The following PFKFB3 variants were observed in gnomAD, a reference collection of about 807,000 sequenced individuals.
PFKFB3 encodes the protein 6-phosphofructo-2-kinase/fructose-2,6-biphosphatase 3.
In PFKFB3, 33 loss-of-function variants were observed where a neutral mutation model predicts 68.0. The observed-to-expected ratio is 0.49, with a 90% confidence interval of 0.37 to 0.65. The LOEUF (loss-of-function observed/expected upper bound fraction) is 0.65, where lower values mean the gene tolerates loss of function less well. PFKFB3 is among the 30% of genes least tolerant of loss of function. The pLI is 0.00. For missense variants in PFKFB3, 586 were observed against 712.2 expected (o/e 0.82, Z 2.02); for synonymous variants, 315 against 288.2 (o/e 1.09, Z -0.94).
At chr10:6,286,885 T>A in the PFKFB3 span, among the ~76,000 whole-genome samples, 33 of 152,364 alleles carry the variant, frequency 2.2e-4, no homozygotes, top group East Asian at 5.0e-3. Flanking sequence ...TCTTAGCTTA[T>A]CAATTATATT....
Position 6,228,224 on chromosome 10 carries a change from T to C in PFKFB3, c.1515+1859T>C, listed in dbSNP as rs761504324. 35 of 1,612,750 alleles carry C rather than the reference T, an allele frequency of 2.2e-5. No homozygotes were observed. The highest frequency in any genetic ancestry group is 8.3e-5 in the Admixed American group (5 of 60,016). On this transcript the variant is annotated intron_variant, in intron 14 of 14. Transcript: ENST00000379775. This position sits in a 1 kb window ranked among gnomAD's most constrained non-coding sequence, Gnocchi z 4.5. ...TTGCTAGGGCAAGCCTGTCTGTAAG[T>C]ATCTCTCCGATCATCGCTGCTGCTT...
chr10:6,292,292 T>C, the PFKFB3 span, among the ~76,000 whole-genome samples: 1 of 124,818 alleles, frequency 8.0e-6, no homozygotes, highest in Non-Finnish European at 1.7e-5. Context: ...TTTTTTTTTT[T>C]TTTTTTTTTT....
intron 4 of PFKFB3, among the ~76,000 whole-genome samples, 165 bp downstream of exon 4, chr10:6,216,356 G>T (rs1306375595): frequency 6.6e-6 from 1 of 152,162 alleles, no homozygotes; most frequent in Admixed American, 6.5e-5. Flanking sequence ...GGTGGACTCA[G>T]GGACCCACCC....
the PFKFB3 span, among the ~76,000 whole-genome samples, chr10:6,305,372 C>T: frequency 0.46 from 58,149 of 126,154 alleles, 12,195 homozygotes; most frequent in Non-Finnish European, 0.56. Flanking sequence ...GTAGAGATGA[C>T]ATCTCACTAT....
At position 6,228,521 on chromosome 10, in the gene PFKFB3, G is replaced by A. The variant is rs1178036022; in HGVS notation, c.1515+2156G>A. On this transcript the variant is annotated intron_variant, in intron 14 of 14. Transcript: ENST00000379775. The surrounding 1 kb of genome is among the most constrained non-coding windows in gnomAD (Gnocchi z 4.5). ...CGTGGTGTGTAATGGCCGTGGTTTA[G>A]GGCTCGGCATAAATCCACATTTCCT... 6.6e-6 allele frequency among the ~76,000 whole-genome samples: 1 copy of A among 152,040 alleles called. No homozygotes were observed. Among genetic ancestry groups the A allele is most frequent in the Non-Finnish European group, 1.5e-5 (1 of 68,026 alleles).
At chr10:6,264,064 T>A in the PFKFB3 span, among the ~76,000 whole-genome samples, 10 of 152,350 alleles carry the variant, frequency 6.6e-5, no homozygotes, top group African/African-American at 1.9e-4. Context: ...TCTTTGTGAA[T>A]GATGACAAGG....
At chr10:6,169,634 G>A (rs1842246098) in intron 1 of PFKFB3, among the ~76,000 whole-genome samples, 1 of 152,152 alleles carries the variant, frequency 6.6e-6, no homozygotes, top group Admixed American at 6.5e-5. Flanking sequence ...AGTGCGTCCA[G>A]TACTGCTTAA....
chr10:6,275,716 G>A, the PFKFB3 span, among the ~76,000 whole-genome samples: 15 of 152,160 alleles, frequency 9.9e-5, no homozygotes, highest in African/African-American at 3.1e-4. The surrounding 1 kb of genome is among the most constrained non-coding windows in gnomAD (Gnocchi z 4.9). Context: ...TCCGCTTCCC[G>A]GGATTCTCCT....
chr10:6,277,076 A>G, the PFKFB3 span, among the ~76,000 whole-genome samples: 1 of 151,990 alleles, frequency 6.6e-6, no homozygotes, highest in South Asian at 2.1e-4. Context: ...ATGTTGCATA[A>G]ATGGAATCAT....
intron 5 of PFKFB3, 34 bp from the exon 6 acceptor site, chr10:6,217,097 GTGTT>G (rs1440939174): frequency 8.1e-6 from 13 of 1,602,400 alleles, no homozygotes; most frequent in Non-Finnish European, 1.1e-5. Flanking sequence ...ATCCTTCGTG[GTGTT>G]TGTTTTCTAA....
At chr10:6,277,741 T>C in the PFKFB3 span, 1 of 424,844 alleles carries the variant, frequency 2.4e-6, no homozygotes, top group African/African-American at 2.0e-5. Flanking sequence ...AGCACCACGC[T>C]TTCTGTACAG....
intron 1 of PFKFB3, chr10:6,197,570 G>A (rs1273206490): frequency 6.6e-6 from 1 of 151,902 alleles, no homozygotes; most frequent in Admixed American, 6.6e-5. Flanking sequence ...AATAAATTAG[G>A]ACATCTTAAA....
chr10:6,177,438 C>CTCTCTCTCTCTTTCTTTCTT (rs755279276), intron 1 of PFKFB3, among the ~76,000 whole-genome samples: 24 of 86,628 alleles, frequency 2.8e-4, no homozygotes, highest in African/African-American at 3.8e-4. Flanking sequence ...TCTTTTCTTT[C>CTCTCTCTCTCTTTCTTTCTT]TCTTTCTTTC....
intron 2 of PFKFB3, 123 bp downstream of exon 2, chr10:6,213,871 C>T (rs950892740): frequency 7.0e-6 from 7 of 1,007,012 alleles, no homozygotes; most frequent in Admixed American, 2.2e-5. Context: ...GGAGTCTGAT[C>T]CTGCCTCCCA....
the PFKFB3 span, among the ~76,000 whole-genome samples, chr10:6,282,008 G>GAAT: frequency 6.6e-6 from 1 of 150,770 alleles, no homozygotes; most frequent in Non-Finnish European, 1.5e-5. Flanking sequence ...GCTCAGGCTG[G>GAAT]AATGCAGCGA....
At chr10:6,284,099 C>T in the PFKFB3 span, among the ~76,000 whole-genome samples, 1 of 152,162 alleles carries the variant, frequency 6.6e-6, no homozygotes, top group African/African-American at 2.4e-5. Context: ...TTTTATGACC[C>T]AGAATATGAT....
At chr10:6,171,933 A>G (rs1047484809) in intron 1 of PFKFB3, among the ~76,000 whole-genome samples, 1 of 152,216 alleles carries the variant, frequency 6.6e-6, no homozygotes, top group Non-Finnish European at 1.5e-5. Context: ...TTCTTGTTCC[A>G]TAGATCTGGC....
chr10:6,322,687 T>C, the PFKFB3 span, among the ~76,000 whole-genome samples: 1 of 152,208 alleles, frequency 6.6e-6, no homozygotes, highest in Non-Finnish European at 1.5e-5. Flanking sequence ...AACCTCAAGG[T>C]CTTTAATGGA....
the PFKFB3 span, among the ~76,000 whole-genome samples, chr10:6,312,625 C>T: frequency 2.0e-5 from 3 of 152,276 alleles, no homozygotes; most frequent in East Asian, 3.9e-4. Context: ...GGTTGGTATG[C>T]GTTCTAAACA....
Sources: allele counts gnomAD v4.1 joint callset (sites outside exome capture counted in the v4.1 genomes callset), GRCh38; gene constraint gnomAD v4.1.1; non-coding constraint Gnocchi (gnomAD v3.1); transcripts MANE v1.5; gene names NCBI Gene and HGNC (gene_info 2026-07-23, HGNC 2026-07-21).